The following ABCB1 variants were observed in gnomAD, a reference collection of about 807,000 sequenced individuals.
ABCB1 encodes ATP binding cassette subfamily B member 1.
ABCB1 carries 69 observed loss-of-function variants against 142.0 expected under a neutral mutation model. The observed-to-expected ratio is 0.49, with a 90% CI of 0.40 to 0.59. The LOEUF (loss-of-function observed/expected upper bound fraction) is 0.59. Ranked by LOEUF, ABCB1 falls within the 20% of genes least tolerant of loss-of-function variation. ABCB1 has a pLI of 0.00. For synonymous variants in ABCB1, 532 were observed against 539.2 expected (o/e 0.99, Z 0.18); for missense variants, 1,326 against 1,554.7 (o/e 0.85, Z 2.47).
chr7:87,614,436 A>G (rs985996439), intron 1 of ABCB1, among the ~76,000 whole-genome samples: 11 of 152,064 alleles, frequency 7.2e-5, no homozygotes, highest in Non-Finnish European at 1.2e-4. Context: ...AGAAAGAGAG[A>G]AAGAGAAAGA....
chr7:87,686,951 G>GA (rs1202632144), intron 1 of ABCB1, among the ~76,000 whole-genome samples: 1,164 of 69,152 alleles, frequency 0.017, 15 homozygotes, highest in African/African-American at 0.052. Context: ...ATCTCCAAAA[G>GA]AAAAAAAAAA....
chr7:87,514,114 C>T (rs1429619291), intron 25 of ABCB1, among the ~76,000 whole-genome samples: 4 of 152,102 alleles, frequency 2.6e-5, no homozygotes, highest in South Asian at 2.1e-4. Flanking sequence ...TAAGAGTGAC[C>T]GCTGTGAGGA....
At chr7:87,521,957 A>G in intron 21 of ABCB1, 2 of 799,396 alleles carry the variant, frequency 2.5e-6, no homozygotes, top group Non-Finnish European at 4.4e-6. Flanking sequence ...GTCACTGAGA[A>G]ATACCCATAC....
rs1382054370 is a variant in ABCB1 at position 87,531,327 on chromosome 7, C to T, written c.2652G>A (p.Leu884=). The change falls in exon 21 of 28, where the codon CTG becomes CTA. Residue 884 remains leucine, a synonymous_variant. Transcript: ENST00000622132. ...VEMKMLSGQA[L]KDKKELEGSG... ...AACCTTCTAGTTCTTTCTTATCTTT[C>T]AGTGCTTGTCCAGACAACATTTTCA... The T allele has an allele frequency of 3.1e-6, 5 of 1,613,348 alleles. No homozygotes were observed. The highest frequency in any genetic ancestry group is 4.2e-6 in the Non-Finnish European group (5 of 1,179,618).
At chr7:87,586,781 C>T (rs905275768) in intron 3 of ABCB1, among the ~76,000 whole-genome samples, 5 of 151,820 alleles carry the variant, frequency 3.3e-5, no homozygotes, top group South Asian at 2.1e-4. Context: ...ACTGGACTGC[C>T]GAGTGGAGAA....
chr7:87,626,018 A>G (rs941585108), intron 1 of ABCB1, among the ~76,000 whole-genome samples: 1 of 139,078 alleles, frequency 7.2e-6, no homozygotes, highest in Admixed American at 7.1e-5. Flanking sequence ...ACATATATAT[A>G]TATATAGAGA....
intron 1 of ABCB1, among the ~76,000 whole-genome samples, chr7:87,657,912 T>C (rs1824278192): frequency 1.3e-5 from 2 of 152,114 alleles, no homozygotes; most frequent in Admixed American, 6.6e-5. Context: ...CACCTTCCCC[T>C]GTGGGAGCAG....
intron 1 of ABCB1, among the ~76,000 whole-genome samples, chr7:87,685,593 G>T (rs139741590): frequency 6.6e-6 from 1 of 152,116 alleles, no homozygotes; most frequent in Admixed American, 6.6e-5. Context: ...TAAAGATTAC[G>T]TATGATTCCA....
chr7:87,540,955 C>T (rs964465743), intron 18 of ABCB1, among the ~76,000 whole-genome samples: 7 of 152,240 alleles, frequency 4.6e-5, no homozygotes, highest in East Asian at 1.9e-4. Flanking sequence ...CCATGTGACC[C>T]GCTTATGGGG....
At chr7:87,629,022 G>T in intron 1 of ABCB1, 1 of 1,248,734 alleles carries the variant, frequency 8.0e-7, no homozygotes, top group Non-Finnish European at 1.0e-6. Flanking sequence ...GGTCCTTGGG[G>T]GTCCCGGGCA....
chr7:87,534,897 A>G (rs539564982), intron 20 of ABCB1, among the ~76,000 whole-genome samples: 4 of 148,148 alleles, frequency 2.7e-5, no homozygotes, highest in Non-Finnish European at 5.9e-5. Context: ...CCTGGGCTAC[A>G]AAGAGAGACC....
At chr7:87,587,979 G>A (rs1043109004) in intron 3 of ABCB1, among the ~76,000 whole-genome samples, 7 of 151,930 alleles carry the variant, frequency 4.6e-5, no homozygotes, top group Non-Finnish European at 1.0e-4. Flanking sequence ...CAAGTTTGGG[G>A]TGTAAAGTGT....
At chr7:87,663,250 A>G (rs1824891973) in intron 1 of ABCB1, among the ~76,000 whole-genome samples, 2 of 151,914 alleles carry the variant, frequency 1.3e-5, no homozygotes, top group Non-Finnish European at 2.9e-5. Context: ...TTGTCTGTTA[A>G]TCCCTCTTAT....
chr7:87,699,218 A>G (rs1290699098), intron 1 of ABCB1, among the ~76,000 whole-genome samples: 1 of 152,176 alleles, frequency 6.6e-6, no homozygotes. Flanking sequence ...AAATAATTAA[A>G]TCATGATGAA....
At chr7:87,598,492 C>T (rs1008583676) in intron 2 of ABCB1, among the ~76,000 whole-genome samples, 5 of 152,190 alleles carry the variant, frequency 3.3e-5, no homozygotes, top group African/African-American at 7.2e-5. Flanking sequence ...GCATATTCTC[C>T]TTCCAATTAG....
intron 25 of ABCB1, 132 bp from the exon 26 acceptor site, chr7:87,509,613 T>C: frequency 1.0e-6 from 1 of 978,028 alleles, no homozygotes. Flanking sequence ...TGATTAAAAT[T>C]TGGATAGTGA....
rs1157098297 is a variant in ABCB1 at position 87,519,438 on chromosome 7, C to T, written c.2815G>A (p.Gly939Arg). 2 of 1,613,940 alleles carry T rather than the reference C, an allele frequency of 1.2e-6. No individual in the cohort carries two copies. Among genetic ancestry groups the T allele is most frequent in the Admixed American group, 1.7e-5 (1 of 59,998 alleles). Reference sequence around the variant, plus strand: ...GCCTGGGTGAAGGAAAATGTAATTCCAAAGATGTGTGCTTTCCTCAAAGAG... The same window carrying T: ...GCCTGGGTGAAGGAAAATGTAATTCTAAAGATGTGTGCTTTCCTCAAAGAG... ...RNSLRKAHIF[G>R]ITFSFTQAMM... The change falls in exon 23 of 28, where the codon GGA becomes AGA. Residue 939 changes from glycine to arginine, a missense_variant. Transcript: ENST00000622132.
chr7:87,524,555 AG>A (rs35572298), intron 21 of ABCB1, among the ~76,000 whole-genome samples: 50,358 of 151,532 alleles, frequency 0.33, 8,991 homozygotes, highest in Non-Finnish European at 0.4. Context: ...GGACACAGGA[AG>A]CGGAACATCA....
chr7:87,581,731 T>A (rs1354904329), intron 4 of ABCB1, among the ~76,000 whole-genome samples: 1 of 152,208 alleles, frequency 6.6e-6, no homozygotes. Flanking sequence ...TAGAGCTGTC[T>A]AATTAGATCC....
Sources: gnomAD v4.1 joint callset for allele counts (sites outside exome capture counted in the v4.1 genomes callset) on GRCh38, gnomAD v4.1.1 for gene constraint, MANE v1.5 for transcripts, NCBI Gene and HGNC (gene_info 2026-07-23, HGNC 2026-07-21) for gene names.